Variants in EMSY observed in about 807,000 individuals in gnomAD.
The protein encoded by EMSY is EMSY transcriptional repressor, BRCA2 interacting, also known as BRCA2-interacting transcriptional repressor EMSY.
A neutral mutation model predicts 134.6 loss-of-function variants in EMSY; 26 were observed. The ratio of observed to expected loss-of-function variants is 0.19; its 90% CI spans 0.14 to 0.27. The LOEUF is 0.27. Ranked by LOEUF, EMSY falls within the 10% of genes least tolerant of loss-of-function variation. The probability of loss-of-function intolerance (pLI) is 1.00; values close to 1 mark genes in which losing one functional copy is unlikely to be tolerated. For synonymous variants in EMSY, 579 were observed against 577.8 expected (o/e 1.00, Z -0.03); for missense variants, 1,305 against 1,611.4 (o/e 0.81, Z 3.26).
chr11:76,446,807 A>G, intron 1 of EMSY, 93 bp from the exon 2 acceptor site: 2 of 710,726 alleles, frequency 2.8e-6, no homozygotes, highest in Non-Finnish European at 4.7e-6. Flanking sequence ...TTTTTGGTTT[A>G]CTTCTTAGCC....
intron 8 of EMSY, among the ~76,000 whole-genome samples, chr11:76,473,323 T>G (rs1404145905): frequency 6.6e-6 from 1 of 151,922 alleles, no homozygotes; most frequent in Non-Finnish European, 1.5e-5. Context: ...TTTTTTCTCG[T>G]TGAGACAGGG....
At chr11:76,494,674 CCTT>C in intron 8 of EMSY, among the ~76,000 whole-genome samples, 1 of 34,568 alleles carries the variant, frequency 2.9e-5, no homozygotes. Context: ...TTCCTTCCTT[CCTT>C]CCTTCCTTCC....
In EMSY at chr11:76,517,804, C is replaced by T. The variant is rs185343659; in HGVS notation, c.1684+1492C>T. Among the ~76,000 whole-genome samples, 18 of 152,254 alleles carry T rather than the reference C, an allele frequency of 1.2e-4. No individual in the cohort carries two copies. The East Asian group carries it at 3.1e-3, about 26-fold the overall frequency. On this transcript the variant is annotated intron_variant, in intron 11 of 20. Transcript: ENST00000334736. Reference sequence around the variant, plus strand: ...TGTACATGAGTAGAGACTTTTCCAGCACTATAGGATATACTTGGCATACAG... The same window carrying T: ...TGTACATGAGTAGAGACTTTTCCAGTACTATAGGATATACTTGGCATACAG...
chr11:76,471,797 C>A (rs1018461040), intron 7 of EMSY, among the ~76,000 whole-genome samples: 1 of 152,306 alleles, frequency 6.6e-6, no homozygotes, highest in Admixed American at 6.5e-5. Context: ...CAGTTGTCTA[C>A]TACTACTTTG....
At chr11:76,448,570 C>T (rs945501952) in intron 2 of EMSY, among the ~76,000 whole-genome samples, 6 of 151,384 alleles carry the variant, frequency 4.0e-5, no homozygotes, top group African/African-American at 1.5e-4. Context: ...TAAATTTATT[C>T]CTAATTTAAT....
At chr11:76,508,115 C>T (rs748329116) in intron 9 of EMSY, among the ~76,000 whole-genome samples, 19 of 152,102 alleles carry the variant, frequency 1.2e-4, no homozygotes, top group Non-Finnish European at 2.6e-4. Context: ...AAACAATCCA[C>T]CTGCCACAGC....
intron 1 of EMSY, among the ~76,000 whole-genome samples, chr11:76,446,040 G>GGCTCTAGCCTAGAGCTCACTGTCT (rs1157260149): frequency 2.0e-5 from 3 of 152,130 alleles, no homozygotes; most frequent in Non-Finnish European, 4.4e-5. Context: ...TTCTAGGCTA[G>GGCTCTAGCCTAGAGCTCACTGTCT]ACAGTGAGCT....
At chr11:76,528,571 T>A in intron 14 of EMSY, 105 bp downstream of exon 15, 1 of 627,558 alleles carries the variant, frequency 1.6e-6, no homozygotes, top group Non-Finnish European at 2.6e-6. Flanking sequence ...TTGTATGCTC[T>A]ATCAATTCTT....
intron 4 of EMSY, among the ~76,000 whole-genome samples, chr11:76,457,737 A>G (rs1382724088): frequency 2.0e-5 from 3 of 152,212 alleles, no homozygotes; most frequent in Non-Finnish European, 2.9e-5. Flanking sequence ...GCAGTTAGAT[A>G]ATTTTCAAAA....
chr11:76,544,418 C>G (rs924377548), exon 19 of EMSY: 1 of 1,614,118 alleles, frequency 6.2e-7, no homozygotes, highest in Non-Finnish European at 8.5e-7. Context: ...ACTTAGCCAG[C>G]CCCCGCTGGA....
In EMSY at chr11:76,447,261, T is replaced by C. The variant is rs547077035; in HGVS notation, c.70+253T>C. Among the ~76,000 whole-genome samples the C allele has an allele frequency of 5.3e-5, 8 of 152,354 alleles. No individual in the cohort carries two copies. The East Asian group carries it at 7.7e-4, about 15-fold the overall frequency. Reference sequence around the variant, plus strand: ...CTACTTGGCTATTCTGAGTCTTTTTTATACAACATCTAATTTAAATATTTT... The same window carrying C: ...CTACTTGGCTATTCTGAGTCTTTTTCATACAACATCTAATTTAAATATTTT... On this transcript the variant is annotated intron_variant, in intron 2 of 20. Coordinates refer to ENST00000334736, the Ensembl canonical transcript of EMSY.
chr11:76,537,775 C>T lies in EMSY; in HGVS notation c.2360-20C>T, dbSNP rs754332953. 2 of 1,578,536 alleles carry T rather than the reference C, an allele frequency of 1.3e-6. No individual in the cohort carries two copies. The highest frequency in any genetic ancestry group is 1.7e-6 in the Non-Finnish European group (2 of 1,162,066). On this transcript the variant is annotated intron_variant, in intron 15 of 20. Transcript: ENST00000334736. ...TTGTTTGTAATAAAAGTTAACTTTT[C>T]CCCTGACTTTTTTATGCAGTAAAGG...
At chr11:76,490,937 T>G (rs1410400456) in intron 8 of EMSY, among the ~76,000 whole-genome samples, 1 of 152,118 alleles carries the variant, frequency 6.6e-6, no homozygotes, top group Admixed American at 6.5e-5. Flanking sequence ...TAGTGATACA[T>G]CCAATTTCAA....
chr11:76,448,660 A>G (rs1461998861), intron 2 of EMSY, among the ~76,000 whole-genome samples: 1 of 151,872 alleles, frequency 6.6e-6, no homozygotes, highest in Non-Finnish European at 1.5e-5. Context: ...TATCATCTTC[A>G]TTGACCCCTC....
At chr11:76,494,672 TTCCTTCCTTCCTTCCTTCCTTCCTTCC>T (rs1949562428) in intron 8 of EMSY, among the ~76,000 whole-genome samples, 1 of 27,604 alleles carries the variant, frequency 3.6e-5, no homozygotes, top group Non-Finnish European at 7.9e-5. Context: ...CCTTCCTTCC[TTCCTTCCTTCCTTCCTTCCTTCCTTCC>T]TTCCTTCCTT....
At chr11:76,488,539 T>C (rs1478578393) in intron 8 of EMSY, among the ~76,000 whole-genome samples, 1 of 152,138 alleles carries the variant, frequency 6.6e-6, no homozygotes, top group Non-Finnish European at 1.5e-5. Flanking sequence ...TTTTTTGTTT[T>C]TTTTTTTATT....
At chr11:76,456,497 ATAT>A (rs1240176043) in intron 4 of EMSY, among the ~76,000 whole-genome samples, 2 of 152,188 alleles carry the variant, frequency 1.3e-5, no homozygotes, top group East Asian at 1.9e-4. Flanking sequence ...CTTATTAGTG[ATAT>A]TATAATAAAC....
At position 76,513,376 on chromosome 11, in the gene EMSY, T is replaced by G; in HGVS notation, c.1364-10T>G. Reference sequence around the variant, plus strand: ...AATTTGTGCTGAGATTTATCTTTCTTCTTTCAAAGGTGTTAAAATCATCAC... The same window carrying G: ...AATTTGTGCTGAGATTTATCTTTCTGCTTTCAAAGGTGTTAAAATCATCAC... On this transcript the variant is annotated splice_polypyrimidine_tract_variant and intron_variant, in intron 9 of 20. Coordinates refer to ENST00000334736, the Ensembl canonical transcript of EMSY. The G allele has an allele frequency of 6.2e-7, 1 of 1,612,106 alleles. No individual in the cohort carries two copies. The highest frequency in any genetic ancestry group is 8.5e-7 in the Non-Finnish European group (1 of 1,179,056).
At chr11:76,550,396 C>T (rs939200593) in exon 21 of EMSY, 1 of 295,966 alleles carries the variant, frequency 3.4e-6, no homozygotes, top group African/African-American at 2.2e-5. Flanking sequence ...GACTTAAGAC[C>T]TGGTCTTCTT....
Sources: allele counts gnomAD v4.1 joint callset (sites outside exome capture counted in the v4.1 genomes callset), GRCh38; gene constraint gnomAD v4.1.1; transcripts MANE v1.5; gene names NCBI Gene and HGNC (gene_info 2026-07-23, HGNC 2026-07-21).